Variants in FAM227B observed in about 807,000 individuals in gnomAD.
FAM227B encodes family with sequence similarity 227 member B, also known as protein FAM227B.
A neutral mutation model predicts 73.8 loss-of-function variants in FAM227B; 88 were observed. The observed-to-expected ratio is 1.19, with a 90% CI of 1.00 to 1.42. The LOEUF (loss-of-function observed/expected upper bound fraction) is 1.42, where lower values mean the gene tolerates loss of function less well. Among genes scored for constraint, FAM227B ranks in the 40% most tolerant of loss-of-function variants. The pLI, the probability that FAM227B is intolerant of heterozygous loss-of-function variation, is 0.00. For synonymous variants in FAM227B, 210 were observed against 190.5 expected (o/e 1.10, Z -0.84); for missense variants, 632 against 590.9 (o/e 1.07, Z -0.72).
intron 11 of FAM227B, among the ~76,000 whole-genome samples, chr15:49,431,924 TAAC>T (rs991662443): frequency 1.5e-4 from 22 of 151,720 alleles, no homozygotes; most frequent in African/African-American, 5.3e-4. Context: ...GAAATTGAAA[TAAC>T]AATTTCAGAT....
intron 3 of FAM227B, among the ~76,000 whole-genome samples, chr15:49,601,931 T>C (rs1598484676): frequency 6.6e-6 from 1 of 152,300 alleles, no homozygotes; most frequent in Admixed American, 6.5e-5. Context: ...TCACTCAACA[T>C]AAAAATTTTC....
At chr15:49,495,185 G>C (rs537729815) in intron 11 of FAM227B, among the ~76,000 whole-genome samples, 1 of 152,148 alleles carries the variant, frequency 6.6e-6, no homozygotes, top group African/African-American at 2.4e-5. Context: ...CAATATATCT[G>C]GGGGAGGTAT....
intron 11 of FAM227B, among the ~76,000 whole-genome samples, chr15:49,419,846 G>C (rs1000606019): frequency 6.6e-6 from 1 of 151,960 alleles, no homozygotes; most frequent in Non-Finnish European, 1.5e-5. Flanking sequence ...TAAAGTTGCA[G>C]CTTTAGTGGA....
chr15:49,404,586 C>CT (rs995060061), intron 11 of FAM227B, among the ~76,000 whole-genome samples: 21 of 150,314 alleles, frequency 1.4e-4, no homozygotes, highest in Admixed American at 5.3e-4. Flanking sequence ...ATTGCAACTC[C>CT]TTTTTTTTTC....
chr15:49,530,984 C>T lies in FAM227B; in HGVS notation c.874+10696G>A, dbSNP rs1008419346. On this transcript the variant is annotated intron_variant, in intron 10 of 15. Coordinates refer to ENST00000299338, the MANE Select transcript of FAM227B (RefSeq NM_152647.3). ...TCTTTTGTTTTCAAGTCATTAGATT[C>T]CATTTATAATGTTTTACTATGCATT... is the stretch of plus-strand genomic sequence containing the variant. Among the ~76,000 whole-genome samples the T allele has an allele frequency of 2.0e-5, 3 of 151,620 alleles. 1 individual carries two copies. Among genetic ancestry groups the T allele is most frequent in the African/African-American group, 7.3e-5 (3 of 41,360 alleles).
chr15:49,448,617 T>C (rs1276660738), intron 11 of FAM227B, among the ~76,000 whole-genome samples: 3 of 151,630 alleles, frequency 2.0e-5, no homozygotes, highest in Non-Finnish European at 4.4e-5. Flanking sequence ...TTTTCAGTGA[T>C]TTCCAAATAT....
At chr15:49,481,648 G>A (rs2055957427) in intron 11 of FAM227B, among the ~76,000 whole-genome samples, 1 of 152,090 alleles carries the variant, frequency 6.6e-6, no homozygotes, top group Non-Finnish European at 1.5e-5. Flanking sequence ...TTTCTATTAG[G>A]TTTTAACTTC....
chr15:49,562,399 G>A (rs2074330336), intron 9 of FAM227B, among the ~76,000 whole-genome samples: 1 of 151,958 alleles, frequency 6.6e-6, no homozygotes, highest in Admixed American at 6.6e-5. Context: ...TGTACCAGAT[G>A]GATTCATAGT....
At chr15:49,609,000 G>T (rs1489286137) in intron 3 of FAM227B, among the ~76,000 whole-genome samples, 2 of 151,900 alleles carry the variant, frequency 1.3e-5, no homozygotes, top group Non-Finnish European at 2.9e-5. Flanking sequence ...GGAAGATAAT[G>T]TAGATTCCTT....
chr15:49,472,020 GA>G (rs35262082), intron 11 of FAM227B, among the ~76,000 whole-genome samples: 105,309 of 144,038 alleles, frequency 0.73, 39,062 homozygotes, highest in African/African-American at 0.88. Flanking sequence ...CTTTAGAAGT[GA>G]AAAAAAAAAA....
rs560449041 is a variant in FAM227B at position 49,361,618 on chromosome 15, G to A, written c.1271+5830C>T. On this transcript the variant is annotated intron_variant, in intron 13 of 15. Transcript: ENST00000299338. Reference sequence around the variant, plus strand: ...CTGCACAGTATTCCCTGGTGTATATGTACCACGTTTTCTTTACCTAGTCCT... The same window carrying A: ...CTGCACAGTATTCCCTGGTGTATATATACCACGTTTTCTTTACCTAGTCCT... Among the ~76,000 whole-genome samples, 5 of 152,260 alleles carry A rather than the reference G, an allele frequency of 3.3e-5. No individual in the cohort carries two copies. The East Asian group carries it at 9.6e-4, about 29-fold the overall frequency.
chr15:49,520,334 T>C (rs2059691574), intron 10 of FAM227B, among the ~76,000 whole-genome samples: 1 of 152,134 alleles, frequency 6.6e-6, no homozygotes, highest in Non-Finnish European at 1.5e-5. Flanking sequence ...AGTTCCAAAC[T>C]TTTCCACATG....
chr15:49,592,131 G>A (rs1426457905), intron 3 of FAM227B, among the ~76,000 whole-genome samples: 2 of 152,092 alleles, frequency 1.3e-5, no homozygotes, highest in African/African-American at 4.8e-5. Context: ...TTAGCTCACA[G>A]AAGTTTGTTA....
intron 10 of FAM227B, among the ~76,000 whole-genome samples, chr15:49,523,256 C>T (rs1013000666): frequency 2.0e-5 from 3 of 152,044 alleles, no homozygotes; most frequent in Non-Finnish European, 4.4e-5. Flanking sequence ...ATCTTCAATG[C>T]CCACATGTTG....
intron 11 of FAM227B, among the ~76,000 whole-genome samples, chr15:49,376,690 AT>A (rs1164401981): frequency 1.3e-5 from 2 of 152,066 alleles, no homozygotes; most frequent in Non-Finnish European, 2.9e-5. Context: ...TTTGTAGACC[AT>A]TTTGGGGAGT....
intron 11 of FAM227B, among the ~76,000 whole-genome samples, chr15:49,434,878 A>G (rs1224189432): frequency 6.6e-6 from 1 of 151,528 alleles, no homozygotes; most frequent in Admixed American, 6.6e-5. Context: ...AAAGAGAACC[A>G]ATTTCTCAAA....
chr15:49,399,420 A>G (rs1183967120), intron 11 of FAM227B, among the ~76,000 whole-genome samples: 2 of 150,898 alleles, frequency 1.3e-5, no homozygotes, highest in African/African-American at 2.4e-5. Flanking sequence ...TACCAGAGGT[A>G]CAAGGAGGAA....
chr15:49,379,290 T>C (rs1325539399), intron 11 of FAM227B, among the ~76,000 whole-genome samples: 1 of 152,146 alleles, frequency 6.6e-6, no homozygotes, highest in Non-Finnish European at 1.5e-5. Context: ...CTTTATCTGG[T>C]TTTGGTATCA....
intron 14 of FAM227B, among the ~76,000 whole-genome samples, chr15:49,335,133 C>T (rs1052343115): frequency 5.3e-5 from 8 of 152,136 alleles, no homozygotes; most frequent in African/African-American, 1.9e-4. Flanking sequence ...ATGGACGATA[C>T]TCCAGTCTCC....
Sources: gnomAD v4.1 joint callset for allele counts (sites outside exome capture counted in the v4.1 genomes callset) on GRCh38, gnomAD v4.1.1 for gene constraint, MANE v1.5 for transcripts, NCBI Gene and HGNC (gene_info 2026-07-23, HGNC 2026-07-21) for gene names.